Variants in DCLK2 observed in about 807,000 individuals in gnomAD.
DCLK2 encodes the protein serine/threonine-protein kinase DCLK2.
DCLK2 carries 31 observed loss-of-function variants against 78.4 expected under a neutral mutation model. The observed-to-expected ratio is 0.40, with a 90% CI of 0.30 to 0.53. The LOEUF is 0.53. Among genes scored for constraint, DCLK2 ranks in the 20% least tolerant of loss-of-function variants. The pLI is 0.61. For missense variants in DCLK2, 872 were observed against 973.7 expected (o/e 0.90, Z 1.39); for synonymous variants, 407 against 374.9 (o/e 1.09, Z -0.99).
intron 2 of DCLK2, among the ~76,000 whole-genome samples, chr4:150,107,239 T>A (rs1731323594): frequency 6.6e-6 from 1 of 152,204 alleles, no homozygotes; most frequent in South Asian, 2.1e-4. Context: ...AAATATTAAC[T>A]GTGTTATTAG....
At chr4:150,198,860 A>G (rs900885211) in intron 4 of DCLK2, among the ~76,000 whole-genome samples, 2 of 151,976 alleles carry the variant, frequency 1.3e-5, no homozygotes, top group African/African-American at 2.4e-5. Flanking sequence ...AGACTTTATA[A>G]AAGACCAAGT....
At position 150,107,112 on chromosome 4, in the gene DCLK2, G is replaced by A. The variant is rs527567396; in HGVS notation, c.756+4300G>A. The stretch of plus-strand genomic sequence containing the variant: ...GGCATGGTGCCCATCATCCTACAAC[G>A]TGCAGGACAGCCACGACATCATCCT... On this transcript the variant is annotated intron_variant, in intron 2 of 15. Transcript: ENST00000296550. Among the ~76,000 whole-genome samples, 26 of 152,226 alleles carry A rather than the reference G, an allele frequency of 1.7e-4. 1 individual carries two copies. The East Asian group carries it at 3.9e-3, about 23-fold the overall frequency.
At chr4:150,098,766 GCT>G (rs1730661866) in intron 1 of DCLK2, among the ~76,000 whole-genome samples, 1 of 150,474 alleles carries the variant, frequency 6.6e-6, no homozygotes, top group Non-Finnish European at 1.5e-5. Flanking sequence ...CACGGTCTTG[GCT>G]AACTGCAATC....
At chr4:150,120,774 A>G (rs1732472932) in intron 2 of DCLK2, among the ~76,000 whole-genome samples, 1 of 152,148 alleles carries the variant, frequency 6.6e-6, no homozygotes, top group African/African-American at 2.4e-5. Context: ...TTAATTTAAA[A>G]AGGTTTACTG....
chr4:150,157,304 A>G, intron 2 of DCLK2, among the ~76,000 whole-genome samples: 1 of 151,660 alleles, frequency 6.6e-6, no homozygotes, highest in South Asian at 2.1e-4. Context: ...TTTTTGAGAC[A>G]AGGTCTTGCC....
chr4:150,148,771 G>A (rs1270481133), intron 2 of DCLK2, among the ~76,000 whole-genome samples: 6 of 151,992 alleles, frequency 3.9e-5, no homozygotes, highest in Non-Finnish European at 5.9e-5. Context: ...GGTGGCTCAC[G>A]CCAGTAATCC....
At chr4:150,220,857 C>A in intron 6 of DCLK2, 79 bp downstream of exon 6, 2 of 1,144,492 alleles carry the variant, frequency 1.7e-6, no homozygotes, top group Non-Finnish European at 2.6e-6. Context: ...CTCACTTGTG[C>A]TAAATTACGA....
In DCLK2 at chr4:150,203,070, T is replaced by C. The variant is rs568809122; in HGVS notation, c.962-725T>C. ...GATTCTGTACTACATAATTCTAGCA[T>C]AGGATCTAAATCGAGCTTTCAACCA... On this transcript the variant is annotated intron_variant, in intron 4 of 15. Transcript: ENST00000296550. Among the ~76,000 whole-genome samples, 6 of 152,318 alleles carry C rather than the reference T, an allele frequency of 3.9e-5. No individual in the cohort carries two copies. In the South Asian group the frequency reaches 1.0e-3, roughly 26 times the overall value.
chr4:150,113,217 G>C (rs1184264179), intron 2 of DCLK2, among the ~76,000 whole-genome samples: 1 of 152,064 alleles, frequency 6.6e-6, no homozygotes, highest in Non-Finnish European at 1.5e-5. Flanking sequence ...TTTTTGTTAT[G>C]TCCTTTTCTA....
intron 2 of DCLK2, among the ~76,000 whole-genome samples, chr4:150,140,677 T>C (rs1734050810): frequency 1.3e-5 from 2 of 152,212 alleles, no homozygotes; most frequent in Non-Finnish European, 2.9e-5. Context: ...TCCTATTTAC[T>C]TTTCACAGGA....
chr4:150,243,768 C>G (rs1358052559), intron 12 of DCLK2, among the ~76,000 whole-genome samples: 1 of 151,428 alleles, frequency 6.6e-6, no homozygotes, highest in Non-Finnish European at 1.5e-5. Context: ...CTCTGTCACC[C>G]AGGCTGGTGT....
chr4:150,152,873 A>G (rs895884576), intron 2 of DCLK2, among the ~76,000 whole-genome samples: 1 of 151,716 alleles, frequency 6.6e-6, no homozygotes, highest in Admixed American at 6.6e-5. Context: ...CTTGTGGAAC[A>G]AATTCAAGGC....
intron 2 of DCLK2, among the ~76,000 whole-genome samples, chr4:150,149,037 C>CAAAAAAA (rs11407877): frequency 9.6e-6 from 1 of 104,680 alleles, no homozygotes; most frequent in Middle Eastern, 4.7e-3. Flanking sequence ...CAGACTGTCT[C>CAAAAAAA]AAAAAAAAAA....
intron 6 of DCLK2, 92 bp downstream of exon 6, chr4:150,220,870 T>C (rs1741136658): frequency 2.9e-6 from 3 of 1,044,082 alleles, no homozygotes; most frequent in Non-Finnish European, 4.3e-6. Context: ...AATTACGATC[T>C]TCCTAAAGAG....
intron 12 of DCLK2, among the ~76,000 whole-genome samples, chr4:150,246,545 T>C (rs574144768): frequency 1.2e-4 from 18 of 152,240 alleles, no homozygotes; most frequent in Non-Finnish European, 2.2e-4. Flanking sequence ...ACTCGCCGGG[T>C]AATACTTAAC....
intron 15 of DCLK2, among the ~76,000 whole-genome samples, chr4:150,251,563 C>T (rs1485053615): frequency 9.3e-5 from 1 of 10,704 alleles, no homozygotes; most frequent in African/African-American, 6.2e-4. Flanking sequence ...CACCCACACA[C>T]CCCACACCCC....
Position 150,102,727 on chromosome 4 carries a change from T to C in DCLK2, c.671T>C (p.Phe224Ser). The C allele has an allele frequency of 6.2e-7, 1 of 1,614,138 alleles. No individual in the cohort carries two copies. Among genetic ancestry groups the C allele is most frequent in the Non-Finnish European group, 8.5e-7 (1 of 1,180,010 alleles). ...ILLNKKTAHS[F>S]EQVLTDITEA... is the part of the protein sequence containing the mutation. The stretch of plus-strand genomic sequence containing the variant: ...CTGAATAAAAAGACTGCTCATTCCT[T>C]TGAACAAGTCTTAACAGATATCACC... Residue 224 changes from phenylalanine (F) to serine (S), a missense_variant, in exon 2 of 16, where the codon TTT becomes TCT. Physicochemically the swap from Phe to Ser is radical, Grantham distance 155. Around this residue, in one of 3 missense-constraint regions of DCLK2, gnomAD observed 567 missense variants for 593.4 expected, o/e 0.96. Coordinates refer to ENST00000296550, the MANE Select transcript of DCLK2 (RefSeq NM_001040260.4).
At chr4:150,175,962 C>A (rs555993534) in intron 2 of DCLK2, among the ~76,000 whole-genome samples, 6 of 152,296 alleles carry the variant, frequency 3.9e-5, no homozygotes, top group African/African-American at 1.4e-4. Context: ...TTTGCCTGTG[C>A]TGTAAGCCAG....
intron 1 of DCLK2, among the ~76,000 whole-genome samples, chr4:150,093,685 G>A (rs762561079): frequency 6.6e-6 from 1 of 152,128 alleles, no homozygotes; most frequent in Non-Finnish European, 1.5e-5. Context: ...AGCCTCAATG[G>A]CATTTTTTAC....
Sources: allele counts gnomAD v4.1 joint callset (sites outside exome capture counted in the v4.1 genomes callset), GRCh38; gene constraint gnomAD v4.1.1; regional missense constraint gnomAD v4.1.1; transcripts MANE v1.5; gene names NCBI Gene and HGNC (gene_info 2026-07-23, HGNC 2026-07-21).